GPAT3: variants seen among roughly 807,000 people sequenced by gnomAD.
GPAT3 encodes 1-AGP acyltransferase 9.
In GPAT3, 53 loss-of-function variants were observed where a neutral mutation model predicts 58.8. The observed-to-expected ratio is 0.90, with a 90% CI of 0.72 to 1.13. GPAT3 has a LOEUF of 1.13. GPAT3 is among the 50% of genes most tolerant of loss of function. The pLI, the probability that GPAT3 is intolerant of heterozygous loss-of-function variation, is 0.00. For synonymous variants in GPAT3, 197 were observed against 187.4 expected, an observed-to-expected ratio of 1.05 and a Z score of -0.42; for missense variants, 511 against 527.6, an observed-to-expected ratio of 0.97 and a Z score of 0.31.
At chr4:83,553,494 C>T (rs576386394) in intron 2 of GPAT3, among the ~76,000 whole-genome samples, 2 of 152,226 alleles carry the variant, frequency 1.3e-5, no homozygotes, top group Non-Finnish European at 2.9e-5. Flanking sequence ...TGCTGAAGGT[C>T]TGGTTGGTGA....
intron 1 of GPAT3, among the ~76,000 whole-genome samples, chr4:83,537,108 A>G (rs2110066010): frequency 6.6e-6 from 1 of 152,320 alleles, no homozygotes; most frequent in African/African-American, 2.4e-5. Context: ...TCCATTATGC[A>G]GTGCAGTTTC....
At chr4:83,551,792 G>A (rs1398204886) in intron 2 of GPAT3, among the ~76,000 whole-genome samples, 2 of 58,576 alleles carry the variant, frequency 3.4e-5, no homozygotes, top group Admixed American at 1.5e-4. Context: ...ACTCCATCTC[G>A]GAAAAAAAAA....
chr4:83,554,520 C>T (rs986473105), intron 2 of GPAT3, among the ~76,000 whole-genome samples: 5 of 152,078 alleles, frequency 3.3e-5, no homozygotes, highest in African/African-American at 1.2e-4. Context: ...ATCATAATCA[C>T]CACCATTTTT....
At chr4:83,558,221 AAAAAG>A (rs1725008669) in intron 2 of GPAT3, among the ~76,000 whole-genome samples, 1 of 152,056 alleles carries the variant, frequency 6.6e-6, no homozygotes, top group African/African-American at 2.4e-5. Context: ...CTTAAAAAAA[AAAAAG>A]AAAGTCATCT....
Position 83,544,611 on chromosome 4 carries a change from T to C in GPAT3, c.208+9T>C, listed in dbSNP as rs766634250. ...AAACTCTGCTTCTGTTGGTGAGTTT[T>C]CCTTTTCATTATGATTGTTACCATA... On this transcript the variant is annotated intron_variant, in intron 2 of 11. Coordinates refer to ENST00000264409, the MANE Select transcript of GPAT3 (RefSeq NM_032717.5). 2 of 1,613,656 alleles carry C rather than the reference T, an allele frequency of 1.2e-6. No homozygotes were observed.
At chr4:83,593,026 C>G (rs1257941364) in intron 6 of GPAT3, among the ~76,000 whole-genome samples, 1 of 150,900 alleles carries the variant, frequency 6.6e-6, no homozygotes, top group Non-Finnish European at 1.5e-5. Context: ...ACCACCATGC[C>G]CAGTTAATTT....
At chr4:83,590,358 T>C in intron 6 of GPAT3, 66 bp downstream of exon 6, 1 of 1,506,308 alleles carries the variant, frequency 6.6e-7, no homozygotes, top group Non-Finnish European at 9.1e-7. Flanking sequence ...CTTTTTATTT[T>C]GGCATAAATT....
chr4:83,541,369 C>T (rs1216764221), intron 1 of GPAT3, among the ~76,000 whole-genome samples: 2 of 151,384 alleles, frequency 1.3e-5, no homozygotes, highest in African/African-American at 4.9e-5. Context: ...AGACGTGTAC[C>T]ACCATGCCCA....
At chr4:83,563,478 C>CTTTTTTTT (rs908400401) in intron 2 of GPAT3, among the ~76,000 whole-genome samples, 79 of 114,466 alleles carry the variant, frequency 6.9e-4, no homozygotes, top group Non-Finnish European at 9.7e-4. Context: ...TTTCTTTCTT[C>CTTTTTTTT]TTTTTTTTTT....
chr4:83,581,661 G>A lies in GPAT3; in HGVS notation c.308G>A (p.Gly103Glu), dbSNP rs1238964162. 6.2e-7 allele frequency: 1 copy of A among 1,614,184 alleles called. No individual in the cohort carries two copies. Among genetic ancestry groups the A allele is most frequent in the Admixed American group, 1.7e-5 (1 of 60,026 alleles). ...LSDVFYFSKK[G>E]LEAIVEDEVT... Reference sequence around the variant, plus strand: ...GACGTGTTTTATTTCTCCAAGAAGGGATTGGAAGCCATTGTAGAAGATGAA... The same window carrying A: ...GACGTGTTTTATTTCTCCAAGAAGGAATTGGAAGCCATTGTAGAAGATGAA... The change falls in exon 3 of 12, where the codon GGA (glycine) becomes GAA (glutamate). Residue 103 changes from glycine to glutamate, a missense_variant. Gly to Glu is a moderately conservative substitution (Grantham distance 98). Transcript: ENST00000264409.
chr4:83,567,708 G>A (rs1411525383), intron 2 of GPAT3, among the ~76,000 whole-genome samples: 1 of 152,118 alleles, frequency 6.6e-6, no homozygotes, highest in Non-Finnish European at 1.5e-5. Flanking sequence ...TGAGGCGGGT[G>A]GATCATTGAG....
At chr4:83,579,126 CCTTTCTTT>C (rs1240928683) in intron 2 of GPAT3, among the ~76,000 whole-genome samples, 6 of 107,598 alleles carry the variant, frequency 5.6e-5, no homozygotes, top group African/African-American at 1.9e-4. Context: ...TTCCTTCCTT[CCTTTCTTT>C]CTCCCTCCCT....
At chr4:83,535,813 C>G, upstream of GPAT3, 2 of 985,492 alleles carry the variant, frequency 2.0e-6, no homozygotes, top group Non-Finnish European at 2.4e-6. Flanking sequence ...CCTTGGAAGC[C>G]CTTTCCAAGA....
Position 83,582,689 on chromosome 4 carries a change from C to G in GPAT3, c.479+857C>G, listed in dbSNP as rs536322391. Among the ~76,000 whole-genome samples the G allele has an allele frequency of 5.0e-3, 755 of 152,294 alleles. 4 individuals are homozygous for G. The highest frequency in any genetic ancestry group is 0.016 in the African/African-American group (686 of 41,576). The stretch of plus-strand genomic sequence containing the variant: ...ATCTTTTTACCACCCCCAGGGTGGC[C>G]TATGCTTGCCTCATTCAGATTTATT... On this transcript the variant is annotated intron_variant, in intron 3 of 11. Coordinates refer to ENST00000264409, the MANE Select transcript of GPAT3 (RefSeq NM_032717.5).
intron 3 of GPAT3, among the ~76,000 whole-genome samples, chr4:83,585,394 T>A (rs1454168706): frequency 6.6e-6 from 1 of 150,554 alleles, no homozygotes; most frequent in East Asian, 1.9e-4. Context: ...TTATCCTATT[T>A]TGAGTGAGGA....
At chr4:83,583,282 G>T (rs1181041431) in intron 3 of GPAT3, among the ~76,000 whole-genome samples, 1 of 151,400 alleles carries the variant, frequency 6.6e-6, no homozygotes, top group Non-Finnish European at 1.5e-5. Flanking sequence ...AACAGAGCGA[G>T]ACTGCGTATC....
In GPAT3 at chr4:83,594,738, G is replaced by A. The variant is rs982820606; in HGVS notation, c.739-107G>A. On this transcript the variant is annotated intron_variant, in intron 6 of 11. Coordinates refer to ENST00000264409, the MANE Select transcript of GPAT3 (RefSeq NM_032717.5). The stretch of plus-strand genomic sequence containing the variant: ...AGACTAAGAACTTCAGTCAGTAGAA[G>A]GCCAATCATATTTTTGAGTGGAGAA... The A allele has an allele frequency of 6.9e-6, 6 of 868,458 alleles. No homozygotes were observed. The African/African-American group carries it at 8.4e-5, about 12-fold the overall frequency. The allele number at this position is 868,458 out of a possible 1,614,324, so 53.8% of individuals were successfully genotyped here. A position where few individuals can be genotyped will look rare whatever the true frequency, so the allele number is the denominator to read the frequency against.
intron 2 of GPAT3, 62 bp downstream of exon 2, chr4:83,544,664 C>A: frequency 6.8e-7 from 1 of 1,474,020 alleles, no homozygotes. Flanking sequence ...TAAACCTACC[C>A]AATTTGAACT....
At chr4:83,600,256 G>A (rs1473504767) in intron 11 of GPAT3, among the ~76,000 whole-genome samples, 2 of 152,098 alleles carry the variant, frequency 1.3e-5, no homozygotes, top group Non-Finnish European at 2.9e-5. Flanking sequence ...GTGCTTACAT[G>A]ATCCCTTCTT....
Sources: allele counts gnomAD v4.1 joint callset (sites outside exome capture counted in the v4.1 genomes callset), GRCh38; gene constraint gnomAD v4.1.1; transcripts MANE v1.5; gene names NCBI Gene and HGNC (gene_info 2026-07-23, HGNC 2026-07-21).